The following NXPE2 variants were observed in gnomAD, a reference collection of about 807,000 sequenced individuals.
NXPE2 encodes neurexophilin and PC-esterase domain family member 2.
In NXPE2, 34 loss-of-function variants were observed where a neutral mutation model predicts 34.4. The observed-to-expected ratio is 0.99, with a 90% CI of 0.75 to 1.31. NXPE2 has a LOEUF of 1.31. Ranked by LOEUF, NXPE2 falls within the 40% of genes most tolerant of loss-of-function variation. NXPE2 has a pLI of 0.00. For missense variants in NXPE2, 649 were observed against 672.5 expected (o/e 0.97, Z 0.39); for synonymous variants, 235 against 231.3 (o/e 1.02, Z -0.15).
At chr11:114,559,578 A>G in the NXPE2 span, among the ~76,000 whole-genome samples, 2 of 151,688 alleles carry the variant, frequency 1.3e-5, no homozygotes, top group African/African-American at 2.4e-5. Flanking sequence ...AAACCAGCCT[A>G]TCCTTGTCAG....
chr11:114,768,577 CTT>C, the NXPE2 span, among the ~76,000 whole-genome samples: 119 of 152,210 alleles, frequency 7.8e-4, no homozygotes, highest in Admixed American at 7.7e-3. Context: ...TGTGTCCTCT[CTT>C]ATTTCCTTGA....
intron 3 of NXPE2, among the ~76,000 whole-genome samples, chr11:114,699,656 C>G (rs887356704): frequency 2.0e-5 from 3 of 152,076 alleles, no homozygotes; most frequent in African/African-American, 7.2e-5. Context: ...AAGTTCTAGT[C>G]CTATATTTTT....
At chr11:114,616,944 G>A in the NXPE2 span, among the ~76,000 whole-genome samples, 2 of 146,516 alleles carry the variant, frequency 1.4e-5, no homozygotes, top group Non-Finnish European at 2.9e-5. Context: ...GTGTTGCCTT[G>A]TGGGTATCCA....
At chr11:114,701,645 A>G (rs1951367225) in intron 3 of NXPE2, among the ~76,000 whole-genome samples, 2 of 152,140 alleles carry the variant, frequency 1.3e-5, no homozygotes, top group African/African-American at 2.4e-5. Flanking sequence ...GGACCATTCT[A>G]TTGCTAAGCT....
At chr11:114,582,779 C>T in the NXPE2 span, 1 of 1,614,158 alleles carries the variant, frequency 6.2e-7, no homozygotes, top group Non-Finnish European at 8.5e-7. Context: ...GCTGGTCTCC[C>T]CTGCAGTACG....
At chr11:114,491,065 G>A in the NXPE2 span, among the ~76,000 whole-genome samples, 1 of 147,882 alleles carries the variant, frequency 6.8e-6, no homozygotes, top group Non-Finnish European at 1.5e-5. Flanking sequence ...GGGAGGCTGA[G>A]ACAGGAGAAT....
At chr11:114,798,562 T>TTAG in the NXPE2 span, among the ~76,000 whole-genome samples, 6 of 152,176 alleles carry the variant, frequency 3.9e-5, no homozygotes, top group Admixed American at 2.0e-4. Flanking sequence ...TTTTGTATTT[T>TTAG]TAGTACAGAC....
At chr11:114,465,520 C>G in the NXPE2 span, among the ~76,000 whole-genome samples, 1 of 152,068 alleles carries the variant, frequency 6.6e-6, no homozygotes, top group African/African-American at 2.4e-5. Context: ...TAGTGGCTTA[C>G]CTTCGTGAGG....
the NXPE2 span, chr11:114,580,149 A>C: frequency 6.2e-7 from 1 of 1,613,684 alleles, no homozygotes; most frequent in Non-Finnish European, 8.5e-7. Flanking sequence ...ACTGGCTTTG[A>C]AGTATTCCAT....
the NXPE2 span, chr11:114,594,823 C>A: frequency 8.7e-6 from 8 of 921,666 alleles, no homozygotes; most frequent in African/African-American, 1.2e-4. Flanking sequence ...AACAGAAAAG[C>A]AAACAAACAT....
At chr11:114,647,973 T>G in the NXPE2 span, among the ~76,000 whole-genome samples, 2 of 152,318 alleles carry the variant, frequency 1.3e-5, no homozygotes, top group East Asian at 3.9e-4. Context: ...GTTCTGGGAT[T>G]ACAGGCATGA....
At chr11:114,805,205 T>TA in the NXPE2 span, among the ~76,000 whole-genome samples, 348 of 149,124 alleles carry the variant, frequency 2.3e-3, 6 homozygotes, top group Admixed American at 0.019. Context: ...TTTTTTTTTT[T>TA]AAAAAAGGTA....
chr11:114,694,620 G>A (rs1462419485), intron 2 of NXPE2, among the ~76,000 whole-genome samples: 1 of 151,952 alleles, frequency 6.6e-6, no homozygotes, highest in African/African-American at 2.4e-5. Flanking sequence ...TGGATATTCT[G>A]TTCTTTTTTC....
At chr11:114,794,509 A>G in the NXPE2 span, among the ~76,000 whole-genome samples, 3 of 152,252 alleles carry the variant, frequency 2.0e-5, no homozygotes, top group African/African-American at 7.2e-5. Flanking sequence ...GAAACCAACT[A>G]GACTATCTTA....
At chr11:114,593,266 A>C in the NXPE2 span, among the ~76,000 whole-genome samples, 2 of 152,204 alleles carry the variant, frequency 1.3e-5, no homozygotes, top group Non-Finnish European at 2.9e-5. Flanking sequence ...AAATGTTTGC[A>C]AACTATCCAT....
chr11:114,505,330 A>C, the NXPE2 span, among the ~76,000 whole-genome samples: 1 of 152,216 alleles, frequency 6.6e-6, no homozygotes, highest in South Asian at 2.1e-4. Flanking sequence ...GAACTTCCCC[A>C]ACCTAGCTAG....
the NXPE2 span, among the ~76,000 whole-genome samples, chr11:114,802,340 T>C: frequency 3.5e-4 from 53 of 152,348 alleles, no homozygotes; most frequent in African/African-American, 1.1e-3. Flanking sequence ...ATTTTTCTAT[T>C]TGAAGGAAAC....
At chr11:114,583,200 C>A in the NXPE2 span, 1 of 777,098 alleles carries the variant, frequency 1.3e-6, no homozygotes. Context: ...AATAAAAAGG[C>A]ATAGAATGGA....
chr11:114,808,831 T>C, the NXPE2 span, among the ~76,000 whole-genome samples: 3 of 152,186 alleles, frequency 2.0e-5, no homozygotes, highest in Non-Finnish European at 4.4e-5. Flanking sequence ...GAATCCTGCC[T>C]AACTCATTTT....
Sources: allele counts gnomAD v4.1 joint callset (sites outside exome capture counted in the v4.1 genomes callset), GRCh38; gene constraint gnomAD v4.1.1; transcripts MANE v1.5; gene names NCBI Gene and HGNC (gene_info 2026-07-23, HGNC 2026-07-21).